Variants in NUP210 observed in about 807,000 individuals in gnomAD.
NUP210 encodes the protein nucleoporin 210.
A neutral mutation model predicts 196.0 loss-of-function variants in NUP210; 151 were observed. That is an observed-to-expected ratio of 0.77 (90% CI 0.67 to 0.88). The LOEUF is 0.88. Ranked by LOEUF, NUP210 falls within the 40% of genes least tolerant of loss-of-function variation. The pLI is 0.00. For missense variants in NUP210, 2,314 were observed against 2,493.7 expected (o/e 0.93, Z 1.53); for synonymous variants, 1,070 against 1,052.7 (o/e 1.02, Z -0.32).
chr3:13,401,658 G>A (rs1316426673), intron 1 of NUP210, among the ~76,000 whole-genome samples: 1 of 152,090 alleles, frequency 6.6e-6, no homozygotes, highest in South Asian at 2.1e-4. Flanking sequence ...GAAACACTCC[G>A]TCCAACCATC....
At position 13,420,160 on chromosome 3, in the gene NUP210, C is replaced by T; in HGVS notation, c.67G>A (p.Ala23Thr). The change falls in exon 1 of 40, where the codon GCC (alanine) becomes ACC (threonine). Residue 23 changes from alanine to threonine, a missense_variant. Transcript: ENST00000254508. This position sits in a 1 kb window ranked among gnomAD's most constrained non-coding sequence, Gnocchi z 4.8. Reference sequence around the variant, plus strand: ...GGGATGTTGAGCTTGGCCGCAGCGGCGGAGGGGCCCGCCGCCAACAGCACC... The same window carrying T: ...GGGATGTTGAGCTTGGCCGCAGCGGTGGAGGGGCCCGCCGCCAACAGCACC... ...LSVLLAAGPS[A>T]AAAKLNIPKV... 7.8e-7 allele frequency: 1 copy of T among 1,287,114 alleles called. No homozygotes were observed. The highest frequency in any genetic ancestry group is 1.0e-6 in the Non-Finnish European group (1 of 999,982). The allele number at this position is 1,287,114 out of a possible 1,614,324, so 79.7% of individuals were successfully genotyped here.
At chr3:13,342,868 G>C (rs966115035) in intron 21 of NUP210, among the ~76,000 whole-genome samples, 1 of 152,192 alleles carries the variant, frequency 6.6e-6, no homozygotes, top group African/African-American at 2.4e-5. Flanking sequence ...CATGTGCCTC[G>C]TTGGTTAATA....
At chr3:13,321,273 T>C (rs948343851) in intron 36 of NUP210, among the ~76,000 whole-genome samples, 4 of 152,202 alleles carry the variant, frequency 2.6e-5, no homozygotes, top group African/African-American at 4.8e-5. Context: ...GCTCCTGCAC[T>C]GAATTCTGCG....
At chr3:13,396,664 G>T (rs989666020) in intron 3 of NUP210, among the ~76,000 whole-genome samples, 1 of 144,630 alleles carries the variant, frequency 6.9e-6, no homozygotes, top group Non-Finnish European at 1.5e-5. Context: ...GGAGGCTGAG[G>T]TAGGAGAATC....
intron 1 of NUP210, among the ~76,000 whole-genome samples, chr3:13,418,352 G>T (rs1427900102): frequency 6.6e-6 from 1 of 152,228 alleles, no homozygotes; most frequent in African/African-American, 2.4e-5. Context: ...CAGCACTTTG[G>T]GAGGCAGAGG....
Position 13,379,745 on chromosome 3 carries a change from A to G in NUP210, c.818-24T>C, listed in dbSNP as rs1361836171. 6.5e-7 allele frequency: 1 copy of G among 1,548,926 alleles called. No homozygotes were observed. On this transcript the variant is annotated intron_variant, in intron 6 of 39. Transcript: ENST00000254508. This position sits in a 1 kb window ranked among gnomAD's most constrained non-coding sequence, Gnocchi z 4.2. ...TTCTGGCCACCAAGAAACAAAAAAT[A>G]ACAGGGAAAGAGAGAGCAAAGACAG... is the stretch of plus-strand genomic sequence containing the variant.
rs766228310 is a variant in NUP210, at chr3:13,360,332, G to T, written c.2092C>A (p.His698Asn). The change falls in exon 15 of 40, where the codon CAT (histidine) becomes AAT (asparagine). Residue 698 changes from histidine (H) to asparagine (N), a missense_variant. Coordinates refer to ENST00000254508, the MANE Select transcript of NUP210 (RefSeq NM_024923.4). ...DSIGLALFAP[H>N]SSRNYQQHWI... ...TGTTGCTGATAATTCCGGGAGGAAT[G>T]GGGGGCAAAGAGAGCCAGGCCGATG... The T allele has an allele frequency of 7.1e-5, 114 of 1,614,094 alleles. 1 individual carries two copies. Among genetic ancestry groups the T allele is most frequent in the Non-Finnish European group, 2.4e-5 (28 of 1,180,030 alleles).
chr3:13,337,072 A>G, intron 26 of NUP210, 154 bp from the exon 27 acceptor site: 1 of 886,678 alleles, frequency 1.1e-6, no homozygotes, highest in Non-Finnish European at 1.7e-6. Flanking sequence ...TTGATGAAAT[A>G]TCAAACGAGC....
rs1576400847 is a variant in NUP210 at position 13,379,453 on chromosome 3, A to G, written c.976+110T>C. The G allele has an allele frequency of 7.4e-7, 1 of 1,358,208 alleles. No individual in the cohort carries two copies. The highest frequency in any genetic ancestry group is 2.3e-5 in the East Asian group (1 of 43,688). The allele number at this position is 1,358,208 out of a possible 1,614,324, so 84.1% of individuals were successfully genotyped here. A position where few individuals can be genotyped will look rare whatever the true frequency, so the allele number is the denominator to read the frequency against. On this transcript the variant is annotated intron_variant, in intron 7 of 39. Transcript: ENST00000254508. The surrounding 1 kb of genome is among the most constrained non-coding windows in gnomAD (Gnocchi z 4.2). ...GTTCTTTCTGATTTTCAGACCGTTG[A>G]GGGGAAACGGCTATTTTTAGCCCTG...
chr3:13,367,681 CT>C (rs1297656148), intron 13 of NUP210, among the ~76,000 whole-genome samples: 2 of 152,228 alleles, frequency 1.3e-5, no homozygotes, highest in Non-Finnish European at 2.9e-5. Context: ...GGGCATAACT[CT>C]TTTGTGCCTG....
chr3:13,345,266 T>G, intron 20 of NUP210: 2 of 979,498 alleles, frequency 2.0e-6, no homozygotes, highest in Non-Finnish European at 2.4e-6. Context: ...TTCACTTATT[T>G]GGAAAGTGCT....
At chr3:13,372,896 G>A (rs1368711370) in intron 12 of NUP210, among the ~76,000 whole-genome samples, 3 of 152,176 alleles carry the variant, frequency 2.0e-5, no homozygotes, top group East Asian at 1.9e-4. Context: ...TGGCACAAGG[G>A]GAAACTGGGG....
Position 13,399,830 on chromosome 3 carries a change from C to T in NUP210, c.199G>A (p.Glu67Lys), listed in dbSNP as rs370193457. ...LSTRPEVASIEPLGLDEQQCS... is the reference protein window; with the variant it reads ...LSTRPEVASIKPLGLDEQQCS... ...TGCTGCTCGTCCAGGCCCAGCGGCT[C>T]GATGCTGGCCACCTCCGGCCGGGTG... The change falls in exon 2 of 40, where the codon GAG becomes AAG. Residue 67 changes from glutamate to lysine, a missense_variant. Transcript: ENST00000254508. The T allele has an allele frequency of 1.1e-5, 17 of 1,611,868 alleles. No individual in the cohort carries two copies. Among genetic ancestry groups the T allele is most frequent in the Admixed American group, 1.7e-5 (1 of 59,632 alleles).
rs761819906 is a variant in NUP210, at chr3:13,317,677, C to T, written c.*4G>A. ...GACCCATCCTCCGGGAACCTTCACG[C>T]GGCCTAGTGGGAGGCATAGGCTGGG... On this transcript the variant is annotated 3_prime_UTR_variant, in exon 40 of 40. Coordinates refer to ENST00000254508, the MANE Select transcript of NUP210 (RefSeq NM_024923.4). 2.5e-5 allele frequency: 40 copies of T among 1,599,668 alleles called. No individual in the cohort carries two copies. Among genetic ancestry groups the T allele is most frequent in the Non-Finnish European group, 3.1e-5 (36 of 1,172,144 alleles).
intron 1 of NUP210, among the ~76,000 whole-genome samples, chr3:13,416,603 T>A (rs1369738189): frequency 1.3e-5 from 2 of 152,228 alleles, no homozygotes. Flanking sequence ...GAAACCAATC[T>A]GAGCCACTCA....
intron 1 of NUP210, among the ~76,000 whole-genome samples, chr3:13,418,093 G>A (rs1700405092): frequency 6.6e-6 from 1 of 152,164 alleles, no homozygotes; most frequent in Non-Finnish European, 1.5e-5. Flanking sequence ...AAGAGAATGA[G>A]CATGTATCCC....
intron 18 of NUP210, 137 bp from the exon 19 acceptor site, chr3:13,352,321 G>A: frequency 1.6e-6 from 1 of 633,112 alleles, no homozygotes; most frequent in South Asian, 1.9e-5. Flanking sequence ...CCAGCAGAAT[G>A]GCCACAGACC....
At chr3:13,363,886 A>C (rs1312944291) in intron 14 of NUP210, among the ~76,000 whole-genome samples, 1 of 152,164 alleles carries the variant, frequency 6.6e-6, no homozygotes, top group Non-Finnish European at 1.5e-5. Context: ...AAACACCCTG[A>C]TAATCCAGAG....
chr3:13,388,508 G>A, intron 4 of NUP210, 55 bp from the exon 5 acceptor site: 1 of 1,535,678 alleles, frequency 6.5e-7, no homozygotes, highest in Non-Finnish European at 8.8e-7. Flanking sequence ...CACAAGATTT[G>A]TCAGAATCTA....
Sources: gnomAD v4.1 joint callset for allele counts (sites outside exome capture counted in the v4.1 genomes callset) on GRCh38, gnomAD v4.1.1 for gene constraint, Gnocchi (gnomAD v3.1) non-coding constraint, MANE v1.5 for transcripts, NCBI Gene and HGNC (gene_info 2026-07-23, HGNC 2026-07-21) for gene names.